Variants in VAV3 observed in about 807,000 individuals in gnomAD.
VAV3 encodes guanine nucleotide exchange factor VAV3.
Under a neutral mutation model 131.2 loss-of-function variants are expected in VAV3, and 94 were observed. That is an observed-to-expected ratio of 0.72 (90% CI 0.61 to 0.85). The LOEUF is 0.85. Among genes scored for constraint, VAV3 ranks in the 40% least tolerant of loss-of-function variants. The pLI is 0.00. For missense variants in VAV3, 939 were observed against 1,002.7 expected, an observed-to-expected ratio of 0.94 and a Z score of 0.86; for synonymous variants, 349 against 342.0, an observed-to-expected ratio of 1.02 and a Z score of -0.22.
At chr1:107,613,459 A>T (rs1008568479) in intron 21 of VAV3, among the ~76,000 whole-genome samples, 14 of 152,200 alleles carry the variant, frequency 9.2e-5, no homozygotes, top group African/African-American at 3.4e-4. Context: ...TTTCCTACAC[A>T]ACTGTGTCTG....
Position 107,779,289 on chromosome 1 carries a change from G to A in VAV3, c.380+145C>T, listed in dbSNP as rs527849124. 3.7e-5 allele frequency: 20 copies of A among 533,916 alleles called. No individual in the cohort carries two copies. In the South Asian group the frequency reaches 4.2e-4, roughly 11 times the overall value. 33.1% of individuals were successfully genotyped at this position (533,916 alleles called of 1,614,324 possible). Reference sequence around the variant, plus strand: ...CTACCTTGCTCAATTAATTTCAAACGTGTACGGGATACTTACATACCAGGC... The same window carrying A: ...CTACCTTGCTCAATTAATTTCAAACATGTACGGGATACTTACATACCAGGC... On this transcript the variant is annotated intron_variant, in intron 3 of 26. Coordinates refer to ENST00000370056, the MANE Select transcript of VAV3 (RefSeq NM_006113.5).
Position 107,923,573 on chromosome 1 carries a change from C to G in VAV3, c.204+41093G>C, listed in dbSNP as rs147940119. On this transcript the variant is annotated intron_variant, in intron 1 of 26. Transcript: ENST00000370056. ...CAGTTCTGCATGGCTGAGGAGGCCT[C>G]AGGAAACTTACAATCATGGAGGAAG... Among the ~76,000 whole-genome samples the G allele has an allele frequency of 2.4e-4, 36 of 152,144 alleles. 1 individual carries two copies. In the East Asian group the frequency reaches 4.4e-3, roughly 19 times the overall value.
chr1:107,579,635 C>T (rs1649895611), intron 25 of VAV3, among the ~76,000 whole-genome samples: 1 of 152,210 alleles, frequency 6.6e-6, no homozygotes, highest in African/African-American at 2.4e-5. Context: ...GCCAAATGGT[C>T]TTCTTGCTTC....
intron 2 of VAV3, among the ~76,000 whole-genome samples, chr1:107,870,107 G>GT (rs1670186807): frequency 6.6e-6 from 1 of 152,170 alleles, no homozygotes; most frequent in Non-Finnish European, 1.5e-5. Flanking sequence ...GGGTGTGCAA[G>GT]TATCTTTTTC....
intron 26 of VAV3, 143 bp downstream of exon 26, chr1:107,573,904 G>T: frequency 9.4e-7 from 1 of 1,058,478 alleles, no homozygotes; most frequent in Non-Finnish European, 1.3e-6. Context: ...GCAAAACACA[G>T]CACCAGTTTC....
chr1:107,710,234 T>C (rs1190484099), intron 15 of VAV3, among the ~76,000 whole-genome samples: 2 of 152,142 alleles, frequency 1.3e-5, no homozygotes, highest in Non-Finnish European at 1.5e-5. Flanking sequence ...TGTCTCATGC[T>C]CTATCAGTAT....
rs150143988 is a variant in VAV3, at chr1:107,887,286, C to T, written c.205-12269G>A. On this transcript the variant is annotated intron_variant, in intron 1 of 26. Coordinates refer to ENST00000370056, the MANE Select transcript of VAV3 (RefSeq NM_006113.5). ...GCTTTGATCTTAATGGCTTCAATCA[C>T]GGATTGAATTTAGTATTTTCCTTTG... Among the ~76,000 whole-genome samples, 630 of 152,322 alleles carry T rather than the reference C, an allele frequency of 4.1e-3. 5 individuals carry two copies. The highest frequency in any genetic ancestry group is 0.014 in the African/African-American group (590 of 41,572).
At chr1:107,854,967 G>C (rs1403659621) in intron 2 of VAV3, among the ~76,000 whole-genome samples, 1 of 152,106 alleles carries the variant, frequency 6.6e-6, no homozygotes, top group East Asian at 1.9e-4. Flanking sequence ...ATCCCTTTGT[G>C]CCTTTGCCAT....
At chr1:107,712,403 GC>G (rs1660841990) in intron 15 of VAV3, among the ~76,000 whole-genome samples, 1 of 152,240 alleles carries the variant, frequency 6.6e-6, no homozygotes, top group African/African-American at 2.4e-5. Flanking sequence ...TTTATGTGTG[GC>G]CCAATACAAA....
intron 9 of VAV3, among the ~76,000 whole-genome samples, chr1:107,762,777 T>G (rs1557829698): frequency 6.6e-6 from 1 of 152,182 alleles, no homozygotes; most frequent in South Asian, 2.1e-4. Flanking sequence ...GAAACCAACA[T>G]TGCTGGAATT....
chr1:107,757,586 A>C (rs1162130101), intron 10 of VAV3, among the ~76,000 whole-genome samples: 2 of 152,198 alleles, frequency 1.3e-5, no homozygotes, highest in Non-Finnish European at 2.9e-5. Context: ...CATTACACTG[A>C]CATTGATCCC....
At chr1:107,717,712 C>G (rs944251647) in intron 15 of VAV3, among the ~76,000 whole-genome samples, 9 of 152,154 alleles carry the variant, frequency 5.9e-5, no homozygotes, top group East Asian at 3.8e-4. Flanking sequence ...AAGATATATT[C>G]TGTTGATTTG....
In VAV3 at chr1:107,908,948, C is replaced by T. The variant is rs537488599; in HGVS notation, c.205-33931G>A. 5.3e-5 allele frequency among the ~76,000 whole-genome samples: 8 copies of T among 151,524 alleles called. No individual in the cohort carries two copies. The South Asian group carries it at 1.7e-3, about 32-fold the overall frequency. On this transcript the variant is annotated intron_variant, in intron 1 of 26. Transcript: ENST00000370056. ...ACCTCAGCAAAATAACAAATACTTG[C>T]TACATAAGTACAACAACTGCTATTC... is the stretch of plus-strand genomic sequence containing the variant.
chr1:107,638,657 T>C (rs763493021), intron 20 of VAV3, among the ~76,000 whole-genome samples: 6 of 152,152 alleles, frequency 3.9e-5, no homozygotes, highest in Non-Finnish European at 7.4e-5. Flanking sequence ...AGCTTTTTTA[T>C]TGGTGAAGTT....
chr1:107,625,652 C>T (rs538120228), intron 20 of VAV3, among the ~76,000 whole-genome samples: 1 of 152,304 alleles, frequency 6.6e-6, no homozygotes, highest in South Asian at 2.1e-4. Flanking sequence ...GTGAAGCGGT[C>T]TATTTTCCGA....
In VAV3 at chr1:107,840,782, C is replaced by T. The variant is rs145389046; in HGVS notation, c.321+34119G>A. 1.5e-4 allele frequency among the ~76,000 whole-genome samples: 23 copies of T among 152,162 alleles called. No homozygotes were observed. In the East Asian group the frequency reaches 4.2e-3, roughly 28 times the overall value. Reference sequence around the variant, plus strand: ...CTGAAAGCATTTTAAAAATAAAAGGCAAACTGTCTAGTTGGCAACAGACCA... The same window carrying T: ...CTGAAAGCATTTTAAAAATAAAAGGTAAACTGTCTAGTTGGCAACAGACCA... On this transcript the variant is annotated intron_variant, in intron 2 of 26. Coordinates refer to ENST00000370056, the MANE Select transcript of VAV3 (RefSeq NM_006113.5).
At chr1:107,648,869 T>C (rs2101556926) in intron 19 of VAV3, among the ~76,000 whole-genome samples, 1 of 152,118 alleles carries the variant, frequency 6.6e-6, no homozygotes, top group Non-Finnish European at 1.5e-5. Flanking sequence ...TTGACATGGC[T>C]GATGTATGTT....
intron 2 of VAV3, among the ~76,000 whole-genome samples, chr1:107,827,596 C>T (rs578155549): frequency 6.6e-6 from 1 of 152,286 alleles, no homozygotes; most frequent in African/African-American, 2.4e-5. Flanking sequence ...TCATTTAACT[C>T]GATCAAGGAC....
chr1:107,925,899 G>GCT (rs1673130714), intron 1 of VAV3, among the ~76,000 whole-genome samples: 1 of 96,098 alleles, frequency 1.0e-5, no homozygotes, highest in Non-Finnish European at 2.1e-5. Flanking sequence ...TAACATATAT[G>GCT]ATATATATGT....
Sources: allele counts gnomAD v4.1 joint callset (sites outside exome capture counted in the v4.1 genomes callset), GRCh38; gene constraint gnomAD v4.1.1; transcripts MANE v1.5; gene names NCBI Gene and HGNC (gene_info 2026-07-23, HGNC 2026-07-21).